Variants in RLF observed in about 807,000 individuals in gnomAD.
RLF encodes the protein zinc finger protein Rlf.
RLF carries 7 observed loss-of-function variants against 162.9 expected under a neutral mutation model. The observed-to-expected ratio is 0.04, with a 90% confidence interval of 0.02 to 0.08. The LOEUF (loss-of-function observed/expected upper bound fraction) is 0.08, where lower values mean the gene tolerates loss of function less well. RLF is among the 10% of genes least tolerant of loss of function. The probability of loss-of-function intolerance (pLI) is 1.00; values close to 1 mark genes in which losing one functional copy is unlikely to be tolerated. For synonymous variants in RLF, 782 were observed against 791.5 expected, an observed-to-expected ratio of 0.99 and a Z score of 0.20; for missense variants, 1,664 against 2,244.7, an observed-to-expected ratio of 0.74 and a Z score of 5.23.
At chr1:40,232,205 CT>C (rs200129511) in intron 7 of RLF, among the ~76,000 whole-genome samples, 70 of 135,438 alleles carry the variant, frequency 5.2e-4, no homozygotes, top group South Asian at 1.6e-3. Flanking sequence ...GAGACTTGGT[CT>C]TTTTTTTTTT....
At chr1:40,227,573 A>T (rs1222233439) in intron 6 of RLF, among the ~76,000 whole-genome samples, 2 of 152,212 alleles carry the variant, frequency 1.3e-5, no homozygotes, top group Admixed American at 1.3e-4. Context: ...TCAATTTATA[A>T]CTATGCAAAT....
rs190774531 is a variant in RLF, at chr1:40,192,897, T to C, written c.474+2044T>C. On this transcript the variant is annotated intron_variant, in intron 3 of 7. Transcript: ENST00000372771. ...CTTTTTTCCTATGGACATAAAAATA[T>C]ACACTCTGCAAATGATTTTTTAATG... is the stretch of plus-strand genomic sequence containing the variant. Among the ~76,000 whole-genome samples, 14 of 152,298 alleles carry C rather than the reference T, an allele frequency of 9.2e-5. No homozygotes were observed. The East Asian group carries it at 2.1e-3, about 23-fold the overall frequency.
chr1:40,174,253 C>T (rs1249517415), intron 1 of RLF, among the ~76,000 whole-genome samples: 2 of 152,254 alleles, frequency 1.3e-5, no homozygotes, highest in South Asian at 4.2e-4. Flanking sequence ...CGCCTGTAAT[C>T]CCAGCTACTC....
At chr1:40,228,008 A>G (rs1481358794) in intron 6 of RLF, among the ~76,000 whole-genome samples, 1 of 151,526 alleles carries the variant, frequency 6.6e-6, no homozygotes, top group Non-Finnish European at 1.5e-5. Context: ...ATCTGGGGGG[A>G]AAAAATTTAT....
intron 6 of RLF, among the ~76,000 whole-genome samples, chr1:40,224,299 A>G (rs563371577): frequency 6.7e-6 from 1 of 148,806 alleles, no homozygotes; most frequent in South Asian, 2.1e-4. Flanking sequence ...TCAAGGAGCA[A>G]TTGCATCTTT....
At chr1:40,196,710 A>G (rs977667486) in intron 4 of RLF, among the ~76,000 whole-genome samples, 7 of 151,322 alleles carry the variant, frequency 4.6e-5, no homozygotes, top group African/African-American at 1.7e-4. Context: ...TATGTTGCCT[A>G]GGCTGGTCTT....
chr1:40,221,107 C>T (rs1393777112), intron 5 of RLF, among the ~76,000 whole-genome samples: 1 of 151,862 alleles, frequency 6.6e-6, no homozygotes, highest in Non-Finnish European at 1.5e-5. Context: ...GCACTGCAGC[C>T]TTGGCAACAG....
chr1:40,191,064 A>T (rs1428975783), intron 3 of RLF, among the ~76,000 whole-genome samples: 1 of 152,232 alleles, frequency 6.6e-6, no homozygotes, highest in African/African-American at 2.4e-5. Context: ...ATAGTTAGAA[A>T]TCAACAAAAA....
rs34957684 is a variant in RLF, at chr1:40,203,109, CTT to C, written c.810+517_810+518del. 3.7e-3 allele frequency among the ~76,000 whole-genome samples: 368 copies of C among 99,660 alleles called. 2 individuals carry two copies. The highest frequency in any genetic ancestry group is 0.013 in the African/African-American group (334 of 25,226). The allele number at this position is 99,660 out of a possible 152,430, so 65.4% of individuals were successfully genotyped here. On this transcript the variant is annotated intron_variant, in intron 5 of 7. Coordinates refer to ENST00000372771, the MANE Select transcript of RLF (RefSeq NM_012421.4). ...ATATCATGGAAAATAAGGGTTGAGT[CTT>C]TTTTTTTTTTTTTTTTTTTTTGAGA...
Position 40,237,507 on chromosome 1 carries a change from C to G in RLF, c.2805C>G (p.Pro935=). 9 of 1,613,858 alleles carry G rather than the reference C, an allele frequency of 5.6e-6. No homozygotes were observed. The highest frequency in any genetic ancestry group is 7.6e-6 in the Non-Finnish European group (9 of 1,179,976). The change falls in exon 8 of 8, where the codon CCC becomes CCG. Residue 935 remains proline, a synonymous_variant. Coordinates refer to ENST00000372771, the MANE Select transcript of RLF (RefSeq NM_012421.4). This position sits in a 1 kb window ranked among gnomAD's most constrained non-coding sequence, Gnocchi z 4.4. ...TATCTAATGAGAAAGTCTTTGGGCC[C>G]TCCAGTTTAAAAGAAAAATGTTCCA... ...VLLSNEKVFG[P]SSLKEKCSSM...
chr1:40,190,958 A>G (rs552826727), intron 3 of RLF, 105 bp downstream of exon 3: 4 of 579,908 alleles, frequency 6.9e-6, no homozygotes, highest in African/African-American at 5.7e-5. Context: ...AGTTTATTAT[A>G]TATTGATATT....
intron 1 of RLF, among the ~76,000 whole-genome samples, chr1:40,165,712 C>T (rs1642155426): frequency 6.6e-6 from 1 of 152,150 alleles, no homozygotes; most frequent in Admixed American, 6.5e-5. Flanking sequence ...TGCAGTTCAT[C>T]TTTGTGTTCT....
At chr1:40,175,716 G>T (rs906167576) in intron 1 of RLF, among the ~76,000 whole-genome samples, 3 of 151,034 alleles carry the variant, frequency 2.0e-5, no homozygotes, top group African/African-American at 7.3e-5. Flanking sequence ...AACCCGGGAA[G>T]TGGAGGTTGC....
At chr1:40,201,625 CAAAAA>C (rs35897680) in intron 4 of RLF, among the ~76,000 whole-genome samples, 2 of 91,532 alleles carry the variant, frequency 2.2e-5, no homozygotes, top group African/African-American at 3.9e-5. Context: ...GACTTCATCT[CAAAAA>C]AAAAAAAAAA....
At chr1:40,188,463 T>A (rs1026384227) in intron 1 of RLF, among the ~76,000 whole-genome samples, 12 of 152,228 alleles carry the variant, frequency 7.9e-5, no homozygotes, top group Non-Finnish European at 1.8e-4. Context: ...TTGGCCTATA[T>A]GGTAATTTTC....
Position 40,195,643 on chromosome 1 carries a change from T to A in RLF, c.486T>A (p.Asp162Glu), listed in dbSNP as rs375972954. The part of the protein sequence containing the change: ...PFLQSLQESH[D>E]ALLEFGNNNL... Reference sequence around the variant, plus strand: ...TGTTCTTGTTCTAGGAGTCACATGATGCATTATTGGAATTTGGGAATAATA... The same window carrying A: ...TGTTCTTGTTCTAGGAGTCACATGAAGCATTATTGGAATTTGGGAATAATA... Residue 162 changes from aspartate (D) to glutamate (E), a missense_variant, in exon 4 of 8, where the codon GAT (aspartate) becomes GAA (glutamate). By Grantham distance (45) the Asp-to-Glu change is conservative. Transcript: ENST00000372771. 6.2e-7 allele frequency: 1 copy of A among 1,612,060 alleles called. No homozygotes were observed. The highest frequency in any genetic ancestry group is 8.5e-7 in the Non-Finnish European group (1 of 1,178,966).
rs977534060 is a variant in RLF, at chr1:40,162,358, C to T, written c.237+722C>T. ...ATTTCTGTGCCTTGGTGGGTCCTAA[C>T]CTATGATTACATATTTATGGGTGTG... On this transcript the variant is annotated intron_variant, in intron 1 of 7. Transcript: ENST00000372771. Among the ~76,000 whole-genome samples the T allele has an allele frequency of 8.5e-5, 13 of 152,062 alleles. No individual in the cohort carries two copies. The East Asian group carries it at 1.7e-3, about 20-fold the overall frequency.
intron 1 of RLF, among the ~76,000 whole-genome samples, chr1:40,183,497 A>G (rs1642433869): frequency 6.6e-6 from 1 of 152,202 alleles, no homozygotes; most frequent in Admixed American, 6.5e-5. Context: ...TAGATGTTGT[A>G]AACTCGGGAA....
intron 1 of RLF, among the ~76,000 whole-genome samples, chr1:40,175,813 G>A (rs911455931): frequency 4.0e-5 from 6 of 150,094 alleles, no homozygotes; most frequent in Admixed American, 2.0e-4. Flanking sequence ...GTACAATTTG[G>A]TGCACTTTGG....
Sources: allele counts gnomAD v4.1 joint callset (sites outside exome capture counted in the v4.1 genomes callset), GRCh38; gene constraint gnomAD v4.1.1; non-coding constraint Gnocchi (gnomAD v3.1); transcripts MANE v1.5; gene names NCBI Gene and HGNC (gene_info 2026-07-23, HGNC 2026-07-21).